Variants in PPP1R12B observed in about 807,000 individuals in gnomAD.
The protein encoded by PPP1R12B is myosin phosphatase target subunit 2.
In PPP1R12B, 76 loss-of-function variants were observed where a neutral mutation model predicts 126.1. That is an observed-to-expected ratio of 0.60 (90% confidence interval 0.50 to 0.73). The LOEUF (loss-of-function observed/expected upper bound fraction) is 0.73, where lower values mean the gene tolerates loss of function less well. PPP1R12B is among the 30% of genes least tolerant of loss of function. The probability of loss-of-function intolerance (pLI) is 0.00; values close to 1 mark genes in which losing one functional copy is unlikely to be tolerated. For missense variants in PPP1R12B, 1,052 were observed against 1,205.1 expected, an observed-to-expected ratio of 0.87 and a Z score of 1.88; for synonymous variants, 356 against 434.7, an observed-to-expected ratio of 0.82 and a Z score of 2.25.
intron 18 of PPP1R12B, among the ~76,000 whole-genome samples, chr1:202,526,412 G>A (rs1683355030): frequency 6.6e-6 from 1 of 152,164 alleles, no homozygotes; most frequent in Admixed American, 6.5e-5. Context: ...GTCCACTAAA[G>A]GTTCAAAGTA....
At chr1:202,510,694 C>T (rs992197872) in intron 18 of PPP1R12B, among the ~76,000 whole-genome samples, 4 of 151,810 alleles carry the variant, frequency 2.6e-5, no homozygotes, top group African/African-American at 9.7e-5. Flanking sequence ...TTTATTCAGT[C>T]AACATATATT....
At chr1:202,502,476 C>T in intron 18 of PPP1R12B, 1 of 981,592 alleles carries the variant, frequency 1.0e-6, no homozygotes, top group Non-Finnish European at 1.2e-6. Flanking sequence ...TTTGTCCTGC[C>T]TTCACTTTTG....
At chr1:202,483,806 G>A (rs1677721856) in intron 13 of PPP1R12B, among the ~76,000 whole-genome samples, 1 of 152,100 alleles carries the variant, frequency 6.6e-6, no homozygotes, top group South Asian at 2.1e-4. Context: ...GGTCTTGGAT[G>A]GATGGATGTA....
At chr1:202,389,402 T>G (rs539107094) in intron 1 of PPP1R12B, among the ~76,000 whole-genome samples, 1 of 152,072 alleles carries the variant, frequency 6.6e-6, no homozygotes, top group Admixed American at 6.5e-5. Context: ...CCCAGCACTT[T>G]GGGAGGCTGA....
At chr1:202,520,648 G>T (rs899422700) in intron 18 of PPP1R12B, among the ~76,000 whole-genome samples, 12 of 152,100 alleles carry the variant, frequency 7.9e-5, no homozygotes, top group African/African-American at 2.9e-4. Context: ...TGAACTTTGA[G>T]TATATATGCT....
chr1:202,431,714 A>G (rs574120627), intron 8 of PPP1R12B, 95 bp downstream of exon 8: 1 of 1,209,642 alleles, frequency 8.3e-7, no homozygotes, highest in East Asian at 2.6e-5. Context: ...ACAGGACTCC[A>G]AAAAGAGCTT....
chr1:202,446,800 A>G (rs1672358298), intron 12 of PPP1R12B, among the ~76,000 whole-genome samples: 1 of 151,188 alleles, frequency 6.6e-6, no homozygotes, highest in South Asian at 2.1e-4. Flanking sequence ...TCTTGCACTT[A>G]AGAAAGTCCA....
intron 3 of PPP1R12B, 46 bp downstream of exon 3, chr1:202,422,784 G>A (rs373709382): frequency 6.6e-5 from 107 of 1,609,876 alleles, no homozygotes; most frequent in Non-Finnish European, 8.8e-5. Context: ...CTCAAACACT[G>A]CCATTTACAG....
intron 6 of PPP1R12B, among the ~76,000 whole-genome samples, 156 bp downstream of exon 6, chr1:202,429,085 T>C (rs1390628172): frequency 6.6e-6 from 1 of 152,334 alleles, no homozygotes; most frequent in Non-Finnish European, 1.5e-5. Flanking sequence ...CTATAAACAG[T>C]CTGTTAGAAG....
At chr1:202,514,614 G>C (rs1306977592) in intron 18 of PPP1R12B, among the ~76,000 whole-genome samples, 1 of 152,164 alleles carries the variant, frequency 6.6e-6, no homozygotes, top group African/African-American at 2.4e-5. Flanking sequence ...ATGGTGCAAG[G>C]AAGGTGTCTA....
chr1:202,395,601 C>T (rs1571805576), intron 1 of PPP1R12B, among the ~76,000 whole-genome samples: 2 of 152,330 alleles, frequency 1.3e-5, no homozygotes, highest in South Asian at 4.1e-4. Flanking sequence ...ATCTGCTCCT[C>T]CTCTAATGCA....
chr1:202,351,648 G>A (rs542656624), intron 1 of PPP1R12B, among the ~76,000 whole-genome samples: 1 of 152,364 alleles, frequency 6.6e-6, no homozygotes, highest in African/African-American at 2.4e-5. Context: ...GTGAAATGGA[G>A]AGTGAGTGGT....
At chr1:202,483,166 G>C (rs1191929870) in intron 13 of PPP1R12B, among the ~76,000 whole-genome samples, 1 of 150,522 alleles carries the variant, frequency 6.6e-6, no homozygotes, top group Admixed American at 6.6e-5. Flanking sequence ...ATATTTTTAA[G>C]TTATGTAGTG....
intron 10 of PPP1R12B, among the ~76,000 whole-genome samples, chr1:202,440,489 A>G (rs978896923): frequency 6.6e-6 from 1 of 152,174 alleles, no homozygotes; most frequent in Non-Finnish European, 1.5e-5. Context: ...TGACTTTCCC[A>G]TGAGAATTAT....
intron 18 of PPP1R12B, among the ~76,000 whole-genome samples, chr1:202,554,301 G>T (rs1367080909): frequency 6.6e-6 from 1 of 152,082 alleles, no homozygotes; most frequent in Non-Finnish European, 1.5e-5. Flanking sequence ...ACTCTTTTTA[G>T]GCTAAAAACC....
intron 13 of PPP1R12B, among the ~76,000 whole-genome samples, chr1:202,475,196 G>C (rs1446694767): frequency 1.3e-5 from 2 of 152,126 alleles, no homozygotes; most frequent in Non-Finnish European, 2.9e-5. Context: ...TCCCAATTAG[G>C]AACAGCAAGG....
At chr1:202,471,990 A>T (rs1675970126) in intron 13 of PPP1R12B, 2 of 1,596,198 alleles carry the variant, frequency 1.3e-6, no homozygotes, top group Non-Finnish European at 1.7e-6. Flanking sequence ...GACCGTGGTG[A>T]TTTTATAGCA....
At chr1:202,499,903 A>G (rs1413568401) in intron 18 of PPP1R12B, among the ~76,000 whole-genome samples, 3 of 152,250 alleles carry the variant, frequency 2.0e-5, no homozygotes, top group Non-Finnish European at 4.4e-5. Flanking sequence ...AGAAATGCAA[A>G]TCAAAACCAC....
intron 1 of PPP1R12B, among the ~76,000 whole-genome samples, chr1:202,402,622 C>T (rs1012661553): frequency 5.9e-5 from 9 of 152,130 alleles, no homozygotes; most frequent in East Asian, 1.9e-4. Context: ...AGAAACAAGA[C>T]GCAGCTTTAA....
Sources: allele counts gnomAD v4.1 joint callset (sites outside exome capture counted in the v4.1 genomes callset), GRCh38; gene constraint gnomAD v4.1.1; transcripts MANE v1.5; gene names NCBI Gene and HGNC (gene_info 2026-07-23, HGNC 2026-07-21).